The following KIAA1671 variants were observed in gnomAD, a reference collection of about 807,000 sequenced individuals.
The protein encoded by KIAA1671 is uncharacterized protein KIAA1671.
Under a neutral mutation model 131.2 loss-of-function variants are expected in KIAA1671, and 52 were observed. That is an observed-to-expected ratio of 0.40 (90% CI 0.32 to 0.50). The LOEUF (loss-of-function observed/expected upper bound fraction) is 0.50. KIAA1671 is among the 20% of genes least tolerant of loss of function. The pLI is 0.73. For missense variants in KIAA1671, 2,360 were observed against 2,364.2 expected, an observed-to-expected ratio of 1.00 and a Z score of 0.04; for synonymous variants, 1,003 against 961.6, an observed-to-expected ratio of 1.04 and a Z score of -0.80.
In KIAA1671 at chr22:25,040,902, G is replaced by C; in HGVS notation, c.3772G>C (p.Gly1258Arg). 6.6e-7 allele frequency: 1 copy of C among 1,512,530 alleles called. No individual in the cohort carries two copies. The highest frequency in any genetic ancestry group is 1.3e-5 in the South Asian group (1 of 77,912). The allele number at this position is 1,512,530 out of a possible 1,614,324, so 93.7% of individuals were successfully genotyped here. A position where few individuals can be genotyped will look rare whatever the true frequency, so the allele number is the denominator to read the frequency against. The change falls in exon 5 of 13, where the codon GGT becomes CGT. Residue 1258 changes from glycine to arginine, a missense_variant. Physicochemically the swap from Gly to Arg is moderately radical, Grantham distance 125 (BLOSUM62 -2). Around this residue, in one of 3 missense-constraint regions of KIAA1671, gnomAD observed 1,161 missense variants for 1,204.7 expected, o/e 0.96. Transcript: ENST00000358431. ...CCTGAAGGAGATGCCCGATACCGGGGGTCTCTGGAAACCGGCCAGTTCTGC... is the reference window on the plus strand; with the variant it reads ...CCTGAAGGAGATGCCCGATACCGGGCGTCTCTGGAAACCGGCCAGTTCTGC... ...RSLKEMPDTG[G>R]LWKPASSAEI...
chr22:25,097,126 A>G (rs1416567313), intron 6 of KIAA1671, among the ~76,000 whole-genome samples: 1 of 152,176 alleles, frequency 6.6e-6, no homozygotes, highest in East Asian at 1.9e-4. Flanking sequence ...CTCTTGGGTA[A>G]ATACCTACAA....
At chr22:24,953,558 T>A (rs1256343589) in intron 1 of KIAA1671, among the ~76,000 whole-genome samples, 2 of 151,880 alleles carry the variant, frequency 1.3e-5, no homozygotes, top group East Asian at 3.9e-4. Flanking sequence ...GTCCCCCTGT[T>A]ACCAGGCAGG....
intron 4 of KIAA1671, among the ~76,000 whole-genome samples, chr22:25,035,877 G>A (rs1926562548): frequency 6.6e-6 from 1 of 152,104 alleles, no homozygotes; most frequent in African/African-American, 2.4e-5. Flanking sequence ...TAGACTTTAT[G>A]TGTGTGTGTA....
chr22:25,039,624 A>G lies in KIAA1671; in HGVS notation c.2494A>G (p.Lys832Glu). 1 of 1,549,858 alleles carries G rather than the reference A, an allele frequency of 6.5e-7. No homozygotes were observed. The highest frequency in any genetic ancestry group is 8.7e-7 in the Non-Finnish European group (1 of 1,145,610). The change falls in exon 5 of 13, where the codon AAA (lysine) becomes GAA (glutamate). Residue 832 changes from lysine (K) to glutamate (E), a missense_variant. By Grantham distance (56) the Lys-to-Glu change is moderately conservative. This residue lies in a region of KIAA1671 where 1,185 missense variants were observed against 1,126.2 expected (regional missense o/e 1.05). Coordinates refer to ENST00000358431, the MANE Select transcript of KIAA1671 (RefSeq NM_001145206.2). ...WTGGAVVSSHKATVAVSEEHC... is the reference protein window; with the variant it reads ...WTGGAVVSSHEATVAVSEEHC... The stretch of plus-strand genomic sequence containing the variant: ...AGGCGGGGCAGTGGTGAGCTCGCAC[A>G]AAGCCACCGTGGCAGTCAGCGAAGA...
chr22:25,127,544 G>A (rs575136349), intron 6 of KIAA1671, among the ~76,000 whole-genome samples: 142 of 152,060 alleles, frequency 9.3e-4, no homozygotes, highest in African/African-American at 3.3e-3. Context: ...TGCCCCCCTT[G>A]CAAGATTCTT....
chr22:25,004,117 ATT>A (rs112970400), intron 1 of KIAA1671, among the ~76,000 whole-genome samples: 57 of 141,072 alleles, frequency 4.0e-4, no homozygotes, highest in Middle Eastern at 3.5e-3. Context: ...GTGCCCGGCC[ATT>A]TTTTTTTTTT....
intron 11 of KIAA1671, 29 bp downstream of exon 11, chr22:25,185,148 T>C: frequency 6.6e-7 from 1 of 1,522,580 alleles, no homozygotes; most frequent in Non-Finnish European, 8.8e-7. Context: ...TGGGGGTCCC[T>C]CTCCTTCCAA....
chr22:25,008,031 C>T (rs146011630), intron 1 of KIAA1671, among the ~76,000 whole-genome samples: 662 of 151,958 alleles, frequency 4.4e-3, no homozygotes, highest in Non-Finnish European at 7.1e-3. Flanking sequence ...AACCCTGTCT[C>T]TATTAAAAAT....
chr22:25,068,407 A>C (rs1055881054), intron 6 of KIAA1671, among the ~76,000 whole-genome samples: 1 of 151,478 alleles, frequency 6.6e-6, no homozygotes, highest in Non-Finnish European at 1.5e-5. Flanking sequence ...CAGCTGCTGC[A>C]CCCAGCACCC....
chr22:25,041,010 C>T lies in KIAA1671; in HGVS notation c.3880C>T (p.Pro1294Ser), dbSNP rs200775683. Residue 1294 changes from proline (P) to serine (S), a missense_variant, in exon 5 of 13, where the codon CCT (proline) becomes TCT (serine). Coordinates refer to ENST00000358431, the MANE Select transcript of KIAA1671 (RefSeq NM_001145206.2). Reference sequence around the variant, plus strand: ...GACAGCCATGGGCACCAAATCTAGCCCTCCCTTCTGGGCTCTGCCACCCTC... The same window carrying T: ...GACAGCCATGGGCACCAAATCTAGCTCTCCCTTCTGGGCTCTGCCACCCTC... ...LETAMGTKSS[P>S]PFWALPPSAP... 4.2e-5 allele frequency: 62 copies of T among 1,480,340 alleles called. No homozygotes were observed. Among genetic ancestry groups the T allele is most frequent in the Middle Eastern group, 3.6e-4 (2 of 5,628 alleles). The allele number at this position is 1,480,340 out of a possible 1,614,324, so 91.7% of individuals were successfully genotyped here.
chr22:25,051,109 TG>T (rs1463438589), intron 6 of KIAA1671: 1 of 152,474 alleles, frequency 6.6e-6, no homozygotes, highest in Admixed American at 6.5e-5. Context: ...GCCCCACTCT[TG>T]CCTGCTTGAT....
chr22:25,177,148 A>G (rs1381362214), intron 8 of KIAA1671, 200 bp from the exon 9 acceptor site: 35 of 568,508 alleles, frequency 6.2e-5, no homozygotes, highest in Non-Finnish European at 8.3e-5. Flanking sequence ...GACTTTTGTC[A>G]TCAGCCTATG....
At chr22:25,181,590 C>T (rs560734036) in intron 9 of KIAA1671, 109 bp from the exon 10 acceptor site, 34 of 1,340,894 alleles carry the variant, frequency 2.5e-5, no homozygotes, top group Non-Finnish European at 3.4e-5. Context: ...GTCTTCTGTG[C>T]AGGTCTGATG....
intron 1 of KIAA1671, among the ~76,000 whole-genome samples, chr22:24,996,869 G>C (rs745355734): frequency 6.6e-6 from 1 of 152,142 alleles, no homozygotes; most frequent in Non-Finnish European, 1.5e-5. Context: ...GGGTGCCGCA[G>C]CAGGAAAGGG....
chr22:24,963,071 C>G (rs1244685038), intron 1 of KIAA1671, among the ~76,000 whole-genome samples: 5 of 152,098 alleles, frequency 3.3e-5, no homozygotes, highest in African/African-American at 9.7e-5. Context: ...TTAGAGGCCA[C>G]TCACTCTCTC....
At chr22:25,131,596 T>C (rs1248888926) in intron 6 of KIAA1671, among the ~76,000 whole-genome samples, 1 of 152,226 alleles carries the variant, frequency 6.6e-6, no homozygotes, top group Non-Finnish European at 1.5e-5. Flanking sequence ...TGGGAAGCCA[T>C]TCAACACTGG....
At chr22:25,179,855 A>G (rs1236629177) in intron 9 of KIAA1671, among the ~76,000 whole-genome samples, 2 of 152,068 alleles carry the variant, frequency 1.3e-5, no homozygotes, top group South Asian at 2.1e-4. Flanking sequence ...TATATTATCA[A>G]TCTTTTCTGT....
chr22:25,177,122 G>A (rs1432846635), intron 8 of KIAA1671: 3 of 540,312 alleles, frequency 5.6e-6, no homozygotes, highest in Non-Finnish European at 9.9e-6. Context: ...GGCACTCAAG[G>A]TTCATTGTTC....
At chr22:24,993,633 G>T (rs1222673897) in intron 1 of KIAA1671, among the ~76,000 whole-genome samples, 1 of 152,124 alleles carries the variant, frequency 6.6e-6, no homozygotes, top group African/African-American at 2.4e-5. Flanking sequence ...CTTATCCATT[G>T]CCTGTCTTTT....
Sources: allele counts gnomAD v4.1 joint callset (sites outside exome capture counted in the v4.1 genomes callset), GRCh38; gene constraint gnomAD v4.1.1; regional missense constraint gnomAD v4.1.1; transcripts MANE v1.5; gene names NCBI Gene and HGNC (gene_info 2026-07-23, HGNC 2026-07-21).